CFAP299: variants seen among roughly 807,000 people sequenced by gnomAD.
The protein encoded by CFAP299 is cilia- and flagella-associated protein 299.
CFAP299 carries 21 observed loss-of-function variants against 27.0 expected under a neutral mutation model. The observed-to-expected ratio is 0.78, with a 90% CI of 0.55 to 1.12. CFAP299 has a LOEUF of 1.12. Among genes scored for constraint, CFAP299 ranks in the 50% most tolerant of loss-of-function variants. The pLI, the probability that CFAP299 is intolerant of heterozygous loss-of-function variation, is 0.00. For missense variants in CFAP299, 310 were observed against 276.6 expected, an observed-to-expected ratio of 1.12 and a Z score of -0.86; for synonymous variants, 104 against 98.1, an observed-to-expected ratio of 1.06 and a Z score of -0.36.
At chr4:80,532,327 G>A (rs564314657) in intron 2 of CFAP299, among the ~76,000 whole-genome samples, 1 of 152,088 alleles carries the variant, frequency 6.6e-6, no homozygotes, top group South Asian at 2.1e-4. Flanking sequence ...TTTACTAAAT[G>A]TTGGGAAAAA....
At position 80,468,158 on chromosome 4, in the gene CFAP299, G is replaced by A. The variant is rs576214050; in HGVS notation, c.242+105274G>A. On this transcript the variant is annotated intron_variant, in intron 2 of 5. Coordinates refer to ENST00000358105, the MANE Select transcript of CFAP299 (RefSeq NM_152770.3). ...TTGTTTTAGCCCTTAAATGTAATCC[G>A]GATTTTTTACTTATAAAGTAAGATT... Among the ~76,000 whole-genome samples, 37 of 151,840 alleles carry A rather than the reference G, an allele frequency of 2.4e-4. No homozygotes were observed. In the South Asian group the frequency reaches 2.9e-3, roughly 12 times the overall value.
chr4:80,372,752 T>G (rs909052376), intron 2 of CFAP299, among the ~76,000 whole-genome samples: 1 of 152,194 alleles, frequency 6.6e-6, no homozygotes, highest in Non-Finnish European at 1.5e-5. Context: ...CAATGTGAAG[T>G]TCTGTGGGAT....
rs183462902 is a variant in CFAP299 at position 80,509,914 on chromosome 4, C to G, written c.243-73179C>G. ...ATTGCAGTTTTTAGTTTTTCTCCTC[C>G]AAGATCCTGTGGGTTCTTCACTGTT... On this transcript the variant is annotated intron_variant, in intron 2 of 5. Coordinates refer to ENST00000358105, the MANE Select transcript of CFAP299 (RefSeq NM_152770.3). 4.8e-3 allele frequency among the ~76,000 whole-genome samples: 735 copies of G among 151,702 alleles called. 13 individuals are homozygous for G. The highest frequency in any genetic ancestry group is 3.1e-3 in the Non-Finnish European group (211 of 67,924).
chr4:80,875,593 G>A (rs181847235), intron 4 of CFAP299, among the ~76,000 whole-genome samples: 2,330 of 151,928 alleles, frequency 0.015, 22 homozygotes, highest in Middle Eastern at 0.037. Context: ...GAACCTGGGA[G>A]GCGGAGGTTG....
intron 3 of CFAP299, among the ~76,000 whole-genome samples, chr4:80,798,838 G>T (rs1202376963): frequency 6.6e-6 from 1 of 151,820 alleles, no homozygotes; most frequent in African/African-American, 2.4e-5. Context: ...CACGAGCAGT[G>T]AATCAGAAAT....
Position 80,380,470 on chromosome 4 carries a change from C to T in CFAP299, c.242+17586C>T, listed in dbSNP as rs182722301. ...TTAGATAGAATCTCACTCTGTTGCACAGGCTGGAGTGCAGTGGCATGATCT... is the reference window on the plus strand; with the variant it reads ...TTAGATAGAATCTCACTCTGTTGCATAGGCTGGAGTGCAGTGGCATGATCT... On this transcript the variant is annotated intron_variant, in intron 2 of 5. Coordinates refer to ENST00000358105, the MANE Select transcript of CFAP299 (RefSeq NM_152770.3). Among the ~76,000 whole-genome samples, 424 of 131,840 alleles carry T rather than the reference C, an allele frequency of 3.2e-3. 4 individuals carry two copies. Among genetic ancestry groups the T allele is most frequent in the African/African-American group, 0.011 (392 of 35,824 alleles). The allele number at this position is 131,840 out of a possible 152,430, so 86.5% of individuals were successfully genotyped here. A position where few individuals can be genotyped will look rare whatever the true frequency, so the allele number is the denominator to read the frequency against.
At chr4:80,811,618 A>C (rs1267914725) in intron 3 of CFAP299, among the ~76,000 whole-genome samples, 1 of 152,078 alleles carries the variant, frequency 6.6e-6, no homozygotes, top group Admixed American at 6.6e-5. Flanking sequence ...ATTTGTGGCC[A>C]CTCAGGGAAG....
intron 3 of CFAP299, among the ~76,000 whole-genome samples, chr4:80,589,935 G>A (rs552262036): frequency 1.3e-5 from 2 of 152,036 alleles, no homozygotes; most frequent in Non-Finnish European, 2.9e-5. Flanking sequence ...GTAGATAAAT[G>A]ATTGAGGGAA....
intron 2 of CFAP299, among the ~76,000 whole-genome samples, chr4:80,415,868 GACAT>G (rs912462599): frequency 6.6e-6 from 1 of 152,126 alleles, no homozygotes; most frequent in Non-Finnish European, 1.5e-5. Flanking sequence ...TTAAAAGTCT[GACAT>G]ACATACATAC....
At chr4:80,359,548 ACTGT>A (rs970398803) in intron 1 of CFAP299, among the ~76,000 whole-genome samples, 2 of 151,900 alleles carry the variant, frequency 1.3e-5, no homozygotes, top group African/African-American at 4.8e-5. Flanking sequence ...TTCTTGTCTG[ACTGT>A]CTTATTTCAG....
intron 2 of CFAP299, among the ~76,000 whole-genome samples, chr4:80,434,163 G>A (rs1578438055): frequency 2.0e-5 from 3 of 152,210 alleles, no homozygotes; most frequent in Middle Eastern, 6.8e-3. Context: ...TTAAAATAAT[G>A]CTCTAGTCAA....
intron 2 of CFAP299, among the ~76,000 whole-genome samples, chr4:80,466,548 C>G (rs1207908213): frequency 1.3e-5 from 2 of 152,046 alleles, no homozygotes; most frequent in Non-Finnish European, 2.9e-5. Flanking sequence ...GAGGTACAGT[C>G]CTTTTCTGGA....
the CFAP299 span, among the ~76,000 whole-genome samples, chr4:80,327,413 G>C: frequency 7.9e-5 from 12 of 151,986 alleles, no homozygotes; most frequent in East Asian, 2.3e-3. Flanking sequence ...CATAAGCCAA[G>C]GGAATGATTT....
At chr4:80,937,900 G>A (rs1736992954) in intron 4 of CFAP299, among the ~76,000 whole-genome samples, 1 of 151,864 alleles carries the variant, frequency 6.6e-6, no homozygotes, top group Non-Finnish European at 1.5e-5. Flanking sequence ...TCTGCTACTG[G>A]TGTTTTGTTT....
At chr4:80,940,281 G>A (rs1047418067) in intron 4 of CFAP299, among the ~76,000 whole-genome samples, 2 of 152,092 alleles carry the variant, frequency 1.3e-5, no homozygotes, top group African/African-American at 2.4e-5. Flanking sequence ...ATTTAGTCAT[G>A]CCAATCACCT....
chr4:80,366,485 T>A (rs1432635535), intron 2 of CFAP299, among the ~76,000 whole-genome samples: 1 of 152,230 alleles, frequency 6.6e-6, no homozygotes, highest in African/African-American at 2.4e-5. Flanking sequence ...TGGGCTTCTA[T>A]TCAGTCTTTC....
At chr4:80,638,015 A>C (rs1440540655) in intron 3 of CFAP299, among the ~76,000 whole-genome samples, 1 of 152,204 alleles carries the variant, frequency 6.6e-6, no homozygotes, top group African/African-American at 2.4e-5. Context: ...TTAGCATTTT[A>C]TGTGAGAGAA....
At chr4:80,844,477 T>C (rs879640985) in intron 3 of CFAP299, among the ~76,000 whole-genome samples, 73 of 152,334 alleles carry the variant, frequency 4.8e-4, no homozygotes, top group Non-Finnish European at 8.4e-4. Context: ...CTCATTGTGG[T>C]TTTGATTTGC....
At chr4:80,813,635 G>T (rs1413326473) in intron 3 of CFAP299, among the ~76,000 whole-genome samples, 1 of 151,918 alleles carries the variant, frequency 6.6e-6, no homozygotes, top group Non-Finnish European at 1.5e-5. Flanking sequence ...CATGAAGACT[G>T]ATTCAATTCA....
Sources: gnomAD v4.1 joint callset for allele counts (sites outside exome capture counted in the v4.1 genomes callset) on GRCh38, gnomAD v4.1.1 for gene constraint, MANE v1.5 for transcripts, NCBI Gene and HGNC (gene_info 2026-07-23, HGNC 2026-07-21) for gene names.